The following RBFOX1 variants were observed in gnomAD, a reference collection of about 807,000 sequenced individuals.
RBFOX1 encodes the protein RNA binding fox-1 homolog 1.
RBFOX1 carries 8 observed loss-of-function variants against 57.7 expected under a neutral mutation model. That is an observed-to-expected ratio of 0.14 (90% CI 0.08 to 0.25). The LOEUF is 0.25. Among genes scored for constraint, RBFOX1 ranks in the 10% least tolerant of loss-of-function variants. The probability of loss-of-function intolerance (pLI) is 1.00; values close to 1 mark genes in which losing one functional copy is unlikely to be tolerated. For synonymous variants in RBFOX1, 326 were observed against 222.4 expected, an observed-to-expected ratio of 1.47 and a Z score of -4.15; for missense variants, 611 against 548.5, an observed-to-expected ratio of 1.11 and a Z score of -1.14.
chr16:6,345,473 G>A (rs1315547705), intron 2 of RBFOX1, among the ~76,000 whole-genome samples: 2 of 152,172 alleles, frequency 1.3e-5, no homozygotes, highest in Non-Finnish European at 2.9e-5. Context: ...TGGTGTGCAT[G>A]TCTAATGGAA....
intron 3 of RBFOX1, among the ~76,000 whole-genome samples, chr16:6,802,532 T>C (rs2085729443): frequency 6.6e-6 from 1 of 152,060 alleles, no homozygotes; most frequent in South Asian, 2.1e-4. Flanking sequence ...CAAAAGTTAC[T>C]CGGGCATGGT....
intron 2 of RBFOX1, among the ~76,000 whole-genome samples, chr16:5,561,231 C>G (rs889433969): frequency 1.3e-5 from 2 of 151,894 alleles, no homozygotes; most frequent in African/African-American, 4.8e-5. Context: ...TATGAGCAGA[C>G]TCTATTATGG....
chr16:6,773,917 C>A, intron 3 of RBFOX1: 3 of 982,568 alleles, frequency 3.1e-6, no homozygotes, highest in Non-Finnish European at 3.6e-6. Context: ...ATTTGCGTTG[C>A]GGGGGTGTGG....
intron 2 of RBFOX1, among the ~76,000 whole-genome samples, chr16:5,486,155 C>T (rs918677136): frequency 1.3e-5 from 2 of 152,220 alleles, no homozygotes; most frequent in African/African-American, 2.4e-5. Flanking sequence ...TATAAAAATG[C>T]TCTTCAATTC....
chr16:7,372,053 C>A (rs995521602), intron 4 of RBFOX1, among the ~76,000 whole-genome samples: 2 of 151,990 alleles, frequency 1.3e-5, no homozygotes, highest in African/African-American at 4.8e-5. Flanking sequence ...TATATATGGG[C>A]CCTGATTACT....
At chr16:6,999,128 C>G (rs943878330) in intron 3 of RBFOX1, among the ~76,000 whole-genome samples, 1 of 151,346 alleles carries the variant, frequency 6.6e-6, no homozygotes. Context: ...CTCTGCCTCC[C>G]AAAGTACAGG....
intron 3 of RBFOX1, among the ~76,000 whole-genome samples, chr16:6,953,370 C>G (rs1334093505): frequency 2.8e-5 from 3 of 105,830 alleles, no homozygotes; most frequent in South Asian, 2.8e-4. Flanking sequence ...TTCCCATATA[C>G]ATGATTTTTT....
At chr16:5,274,684 A>G (rs192195932) in intron 1 of RBFOX1, among the ~76,000 whole-genome samples, 1 of 152,272 alleles carries the variant, frequency 6.6e-6, no homozygotes, top group East Asian at 1.9e-4. Flanking sequence ...ATGTTCACTT[A>G]TTAGTGGATG....
At chr16:5,601,009 G>C (rs1567282160), downstream of RBFOX1, among the ~76,000 whole-genome samples, 3 of 152,218 alleles carry the variant, frequency 2.0e-5, no homozygotes, top group African/African-American at 7.2e-5. Context: ...GGAGTACCAG[G>C]AGTCTTGCAG....
chr16:6,027,240 C>T (rs956110060), intron 1 of RBFOX1, among the ~76,000 whole-genome samples: 4 of 152,156 alleles, frequency 2.6e-5, no homozygotes, highest in African/African-American at 9.7e-5. Flanking sequence ...TTCATTAACT[C>T]TTCATGGCAA....
At chr16:7,482,970 T>G (rs929108340) in intron 4 of RBFOX1, among the ~76,000 whole-genome samples, 8 of 152,094 alleles carry the variant, frequency 5.3e-5, no homozygotes, top group Admixed American at 2.6e-4. Context: ...GGCTAGGAGA[T>G]CTGAAAATGT....
intron 2 of RBFOX1, among the ~76,000 whole-genome samples, chr16:6,536,128 G>A (rs1006558371): frequency 6.6e-6 from 1 of 152,160 alleles, no homozygotes; most frequent in Admixed American, 6.5e-5. Context: ...ATACCCAGGT[G>A]ATTTACACAA....
At chr16:7,223,633 C>T (rs2092894299) in intron 4 of RBFOX1, among the ~76,000 whole-genome samples, 1 of 148,840 alleles carries the variant, frequency 6.7e-6, no homozygotes, top group South Asian at 2.1e-4. Flanking sequence ...AAGCATTATG[C>T]TATTTATTTC....
At chr16:6,809,052 C>A (rs993843118) in intron 3 of RBFOX1, among the ~76,000 whole-genome samples, 1 of 152,254 alleles carries the variant, frequency 6.6e-6, no homozygotes, top group African/African-American at 2.4e-5. Flanking sequence ...GAGTCTTGGC[C>A]AATCCCAGCC....
chr16:5,916,036 C>T (rs12446663), intron 4 of RBFOX1, among the ~76,000 whole-genome samples: 13,014 of 152,112 alleles, frequency 0.086, 873 homozygotes, highest in African/African-American at 0.18. Context: ...TAATGCCTGT[C>T]CCCTGGTAGC....
intron 3 of RBFOX1, among the ~76,000 whole-genome samples, chr16:6,944,304 A>G (rs2079072751): frequency 6.6e-6 from 1 of 151,346 alleles, no homozygotes; most frequent in South Asian, 2.1e-4. Flanking sequence ...CTGAGGCAGG[A>G]GAATCGCTTG....
intron 3 of RBFOX1, among the ~76,000 whole-genome samples, chr16:6,884,753 C>G (rs1362936366): frequency 6.6e-6 from 1 of 152,026 alleles, no homozygotes; most frequent in Non-Finnish European, 1.5e-5. Flanking sequence ...CAAAAATTAG[C>G]TAGGTGTGAT....
chr16:7,127,859 C>T (rs1310456885), intron 4 of RBFOX1, among the ~76,000 whole-genome samples: 1 of 152,192 alleles, frequency 6.6e-6, no homozygotes, highest in Non-Finnish European at 1.5e-5. Flanking sequence ...TATTAAGCAG[C>T]ATATTAATCA....
intron 3 of RBFOX1, among the ~76,000 whole-genome samples, chr16:5,839,429 G>T (rs996887317): frequency 2.6e-5 from 4 of 152,096 alleles, no homozygotes; most frequent in Non-Finnish European, 4.4e-5. Flanking sequence ...GCCACTAAGT[G>T]TCCTATTGGC....
Sources: allele counts gnomAD v4.1 joint callset (sites outside exome capture counted in the v4.1 genomes callset), GRCh38; gene constraint gnomAD v4.1.1; transcripts MANE v1.5; gene names NCBI Gene and HGNC (gene_info 2026-07-23, HGNC 2026-07-21).